GPR34: variants seen among roughly 807,000 people sequenced by gnomAD.
The protein encoded by GPR34 is G protein-coupled receptor 34.
GPR34 carries 3 observed loss-of-function variants against 14.1 expected under a neutral mutation model. The ratio of observed to expected loss-of-function variants is 0.21; its 90% CI spans 0.10 to 0.55. GPR34 has a LOEUF of 0.55. Ranked by LOEUF, GPR34 falls within the 20% of genes least tolerant of loss-of-function variation. The pLI is 0.94. For synonymous variants in GPR34, 99 were observed against 99.9 expected (o/e 0.99, Z 0.05); for missense variants, 213 against 292.8 (o/e 0.73, Z 1.99).
chrX:41,696,725 C>G lies in GPR34; in HGVS notation c.1092C>G (p.Ser364=), dbSNP rs2067696405. 1.7e-6 allele frequency: 2 copies of G among 1,203,331 alleles called. No homozygotes were observed. The highest frequency in any genetic ancestry group is 1.8e-5 in the African/African-American group (1 of 57,141). The change falls in exon 3 of 3, where the codon TCC becomes TCG. Residue 364 remains serine, a synonymous_variant. Coordinates refer to ENST00000378142, the MANE Select transcript of GPR34 (RefSeq NM_001097579.2). ...ESTSEFKPGY[S]LHDTSVAVKI... is the part of the protein sequence containing the mutation. ...CTTCAGAATTTAAACCAGGATACTC[C>G]CTGCATGATACATCTGTGGCAGTGA...
intron 2 of GPR34, among the ~76,000 whole-genome samples, chrX:41,694,664 G>C (rs2067643748): frequency 8.9e-6 from 1 of 111,823 alleles, no homozygotes; most frequent in South Asian, 3.7e-4. Context: ...GGTTAGGAGT[G>C]GCTAACTGGC....
Position 41,696,186 on chromosome X carries a change from G to A in GPR34, c.553G>A (p.Gly185Arg). The change falls in exon 3 of 3, where the codon GGA (glycine) becomes AGA (arginine). Residue 185 changes from glycine to arginine, a missense_variant. Coordinates refer to ENST00000378142, the MANE Select transcript of GPR34 (RefSeq NM_001097579.2). ...TATAGTATGGATGCTTGCTCTTGGT[G>A]GATTCCTAACTATGATTATTTTAAC... ...CCIVWMLALG[G>R]FLTMIILTLK... 1.7e-6 allele frequency: 2 copies of A among 1,203,822 alleles called. No individual in the cohort carries two copies. Among genetic ancestry groups the A allele is most frequent in the Non-Finnish European group, 2.3e-6 (2 of 888,847 alleles).
rs373704509 is a variant in GPR34 at position 41,696,152 on chromosome X, T to C, written c.519T>C (p.Tyr173=). Residue 173 remains tyrosine (Y), a synonymous_variant, in exon 3 of 3, where the codon TAT becomes TAC. Transcript: ENST00000378142. ...RKAITTKQSI[Y]VCCIVWMLAL... The stretch of plus-strand genomic sequence containing the variant: ...CAATAACAACCAAACAAAGTATTTA[T>C]GTCTGTTGTATAGTATGGATGCTTG... 63 of 1,206,576 alleles carry C rather than the reference T, an allele frequency of 5.2e-5. 1 individual carries two copies. The highest frequency in any genetic ancestry group is 4.4e-4 in the African/African-American group (25 of 57,121).
intron 2 of GPR34, among the ~76,000 whole-genome samples, chrX:41,694,596 T>G (rs1394446967): frequency 8.9e-6 from 1 of 112,206 alleles, no homozygotes; most frequent in Non-Finnish European, 1.9e-5. Context: ...TCAGGTTACT[T>G]TCAAAATCTT....
At chrX:41,691,808 T>C (rs1365994682) in intron 2 of GPR34, among the ~76,000 whole-genome samples, 1 of 76,452 alleles carries the variant, frequency 1.3e-5, no homozygotes, top group African/African-American at 5.5e-5. Flanking sequence ...GCCATTGCAC[T>C]CCAGCCTGGG....
Position 41,695,804 on chromosome X carries a change from A to G in GPR34, c.171A>G (p.Leu57=), listed in dbSNP as rs911120046. 2 of 1,204,723 alleles carry G rather than the reference A, an allele frequency of 1.7e-6. No homozygotes were observed. The highest frequency in any genetic ancestry group is 3.5e-5 in the African/African-American group (2 of 57,107). ...ATGAAAAATTGCTATCTACTGTGTT[A>G]ACCACATCCTACTCTGTTATTTTCA... ...PMDEKLLSTV[L]TTSYSVIFIV... Residue 57 remains leucine (L), a synonymous_variant, in exon 3 of 3, where the codon TTA becomes TTG. Coordinates refer to ENST00000378142, the MANE Select transcript of GPR34 (RefSeq NM_001097579.2).
chrX:41,693,027 G>C (rs12009551), intron 2 of GPR34, among the ~76,000 whole-genome samples: 16 of 111,365 alleles, frequency 1.4e-4, no homozygotes, highest in African/African-American at 4.9e-4. Flanking sequence ...GAACAAAATT[G>C]ACTTGGTTCT....
chrX:41,689,333 T>C lies in GPR34; in HGVS notation c.-173+249T>C, dbSNP rs183882915. On this transcript the variant is annotated intron_variant, in intron 1 of 2. Coordinates refer to ENST00000378142, the MANE Select transcript of GPR34 (RefSeq NM_001097579.2). The stretch of plus-strand genomic sequence containing the variant: ...GGTATTTAAGCTCCTACTGTCAATA[T>C]AGTCACATTGTTGATACTGCATTTG... Among the ~76,000 whole-genome samples, 14 of 112,138 alleles carry C rather than the reference T, an allele frequency of 1.2e-4. No individual in the cohort carries two copies. In the East Asian group the frequency reaches 3.6e-3, roughly 29 times the overall value.
Position 41,692,038 on chromosome X carries a change from C to T in GPR34, c.-80+2203C>T, listed in dbSNP as rs367866703. Among the ~76,000 whole-genome samples, 12 of 110,753 alleles carry T rather than the reference C, an allele frequency of 1.1e-4. No individual in the cohort carries two copies. The East Asian group carries it at 2.3e-3, about 21-fold the overall frequency. On this transcript the variant is annotated intron_variant, in intron 2 of 2. Coordinates refer to ENST00000378142, the MANE Select transcript of GPR34 (RefSeq NM_001097579.2). ...TCTCCCAAAGTGTTGGGATTACAGG[C>T]GTGAGCCACTGTACCTGGCCAACCT...
chrX:41,696,424 C>T lies in GPR34; in HGVS notation c.791C>T (p.Thr264Ile), dbSNP rs199627426. 1.8e-5 allele frequency: 21 copies of T among 1,185,538 alleles called. No individual in the cohort carries two copies. In the African/African-American group the frequency reaches 3.7e-4, roughly 21 times the overall value. Residue 264 changes from threonine (T) to isoleucine (I), a missense_variant, in exon 3 of 3, where the codon ACA (threonine) becomes ATA (isoleucine). By Grantham distance (89) the Thr-to-Ile change is moderately conservative. Transcript: ENST00000378142. The part of the protein sequence containing the change: ...KFPNSGKYAT[T>I]ARNSFIVLII... ...CCTAATTCTGGTAAATATGCCACTA[C>T]AGCTCGTAACTCCTTTATTGTACTT...
chrX:41,693,612 C>T (rs1261252503), intron 2 of GPR34, among the ~76,000 whole-genome samples: 1 of 111,800 alleles, frequency 8.9e-6, no homozygotes, highest in Non-Finnish European at 1.9e-5. Flanking sequence ...AAAACTCTGT[C>T]TCAAAAACAA....
At chrX:41,689,449 T>G (rs1315578842) in intron 1 of GPR34, among the ~76,000 whole-genome samples, 1 of 112,030 alleles carries the variant, frequency 8.9e-6, no homozygotes, top group Non-Finnish European at 1.9e-5. Flanking sequence ...TATTATAAAT[T>G]ATAACTTATT....
At position 41,691,754 on chromosome X, in the gene GPR34, C is replaced by T. The variant is rs191356897; in HGVS notation, c.-80+1919C>T. Among the ~76,000 whole-genome samples, 856 of 97,634 alleles carry T rather than the reference C, an allele frequency of 8.8e-3. 9 individuals carry two copies. The highest frequency in any genetic ancestry group is 0.029 in the Middle Eastern group (5 of 175). 84.8% of individuals were successfully genotyped at this position (97,634 alleles called of 115,157 possible). On this transcript the variant is annotated intron_variant, in intron 2 of 2. Coordinates refer to ENST00000378142, the MANE Select transcript of GPR34 (RefSeq NM_001097579.2). ...TACTTGGGAGGCTGAGGCAGGAGAACTGCTTGAACTCGGGAGGCGGAGGTT... is the reference window on the plus strand; with the variant it reads ...TACTTGGGAGGCTGAGGCAGGAGAATTGCTTGAACTCGGGAGGCGGAGGTT...
chrX:41,694,558 T>C (rs985466284), intron 2 of GPR34, among the ~76,000 whole-genome samples: 1 of 112,456 alleles, frequency 8.9e-6, no homozygotes, highest in Non-Finnish European at 1.9e-5. Flanking sequence ...TCTCAAATTA[T>C]TGAACCCAGG....
Position 41,693,288 on chromosome X carries a change from C to T in GPR34, c.-79-2267C>T, listed in dbSNP as rs975422664. ...ATCAGTTTCATTTTTGGTAGCCTGA[C>T]ATTCTTTCTAGATTGCCCTTTCCTT... On this transcript the variant is annotated intron_variant, in intron 2 of 2. Transcript: ENST00000378142. Among the ~76,000 whole-genome samples the T allele has an allele frequency of 3.6e-5, 4 of 111,163 alleles. 1 individual carries two copies. Among genetic ancestry groups the T allele is most frequent in the African/African-American group, 1.3e-4 (4 of 30,541 alleles).
rs757243487 is a variant in GPR34, at chrX:41,695,272, G to A, written c.-79-283G>A. The stretch of plus-strand genomic sequence containing the variant: ...CAGTAGGATAAAAGTAAAGTTTCTC[G>A]CAATGTCTGAAAATAAATCATTTAT... On this transcript the variant is annotated intron_variant, in intron 2 of 2. Transcript: ENST00000378142. Among the ~76,000 whole-genome samples, 6 of 108,718 alleles carry A rather than the reference G, an allele frequency of 5.5e-5. No individual in the cohort carries two copies. The East Asian group carries it at 8.6e-4, about 16-fold the overall frequency. 94.4% of individuals were successfully genotyped at this position (108,718 alleles called of 115,157 possible).
rs1157572153 is a variant in GPR34, at chrX:41,696,995, CTT to C, written c.*217_*218del. ...CAAAATACATTTTTAAGCTAATACT[CTT>C]AACATAGATTATGAAGTTAAGTGAA... On this transcript the variant is annotated 3_prime_UTR_variant, in exon 3 of 3. Transcript: ENST00000378142. 9.5e-5 allele frequency: 28 copies of C among 295,451 alleles called. No homozygotes were observed. In the East Asian group the frequency reaches 1.3e-3, roughly 14 times the overall value. 24.3% of individuals were successfully genotyped at this position (295,451 alleles called of 1,213,427 possible). A position where few individuals can be genotyped will look rare whatever the true frequency, so the allele number is the denominator to read the frequency against.
rs895157025 is a variant in GPR34 at position 41,696,957 on chromosome X, T to A, written c.*178T>A. 17 of 338,402 alleles carry A rather than the reference T, an allele frequency of 5.0e-5. No individual in the cohort carries two copies. In the East Asian group the frequency reaches 7.4e-4, roughly 15 times the overall value. The allele number at this position is 338,402 out of a possible 1,213,427, so 27.9% of individuals were successfully genotyped here. On this transcript the variant is annotated 3_prime_UTR_variant, in exon 3 of 3. Transcript: ENST00000378142. Reference sequence around the variant, plus strand: ...CAAGGTACTAACTTTTAAATCTGTATGTAAAATCTTTTCAAAATACATTTT... The same window carrying A: ...CAAGGTACTAACTTTTAAATCTGTAAGTAAAATCTTTTCAAAATACATTTT...
chrX:41,696,344 A>G lies in GPR34; in HGVS notation c.711A>G (p.Ser237=), dbSNP rs781140953. 5.1e-6 allele frequency: 6 copies of G among 1,168,967 alleles called. No homozygotes were observed. The Admixed American group carries it at 7.5e-5, about 15-fold the overall frequency. ...FWLIFLLIIL[S]YIKIGKNLLR... is the part of the protein sequence containing the mutation. ...TAATTTTCTTACTAATAATCCTTTC[A>G]TATATTAAGATTGGGAAGAATCTAT... Residue 237 remains serine (S), a synonymous_variant, in exon 3 of 3, where the codon TCA becomes TCG. Coordinates refer to ENST00000378142, the MANE Select transcript of GPR34 (RefSeq NM_001097579.2).
Sources: gnomAD v4.1 joint callset for allele counts (sites outside exome capture counted in the v4.1 genomes callset) on GRCh38, gnomAD v4.1.1 for gene constraint, MANE v1.5 for transcripts, NCBI Gene and HGNC (gene_info 2026-07-23, HGNC 2026-07-21) for gene names.